RPTOR: variants seen among roughly 807,000 people sequenced by gnomAD.
RPTOR encodes the protein regulatory associated protein of MTOR complex 1, also known as regulatory-associated protein of mTOR.
Under a neutral mutation model 169.9 loss-of-function variants are expected in RPTOR, and 21 were observed. The ratio of observed to expected loss-of-function variants is 0.12; its 90% CI spans 0.09 to 0.18. The LOEUF (loss-of-function observed/expected upper bound fraction) is 0.18, where lower values mean the gene tolerates loss of function less well. RPTOR is among the 10% of genes least tolerant of loss of function. The probability of loss-of-function intolerance (pLI) is 1.00; values close to 1 mark genes in which losing one functional copy is unlikely to be tolerated. For synonymous variants in RPTOR, 732 were observed against 753.2 expected, an observed-to-expected ratio of 0.97 and a Z score of 0.46; for missense variants, 1,133 against 1,855.9, an observed-to-expected ratio of 0.61 and a Z score of 7.16.
At chr17:80,643,625 G>A in intron 2 of RPTOR, 103 bp from the exon 3 acceptor site, 1 of 765,390 alleles carries the variant, frequency 1.3e-6, no homozygotes, top group East Asian at 2.7e-5. Context: ...TTAGTCAAAG[G>A]TGACTTTGAA....
intron 9 of RPTOR, among the ~76,000 whole-genome samples, chr17:80,824,995 AGCGTG>A (rs1344561229): frequency 5.2e-5 from 7 of 134,912 alleles, no homozygotes; most frequent in Admixed American, 2.2e-4. Flanking sequence ...TGGCGAGGCC[AGCGTG>A]GGGCAGCCAC....
In RPTOR at chr17:80,730,754, T is replaced by TTGTTTG; in HGVS notation, c.654+48_654+49insTGTTTG. The stretch of plus-strand genomic sequence containing the variant: ...AGCGGTGCTGGGTTTGGTTTTGTTT[T>TTGTTTG]CCCTGGGGGTGGGGTTTGGGTGGGG... On this transcript the variant is annotated intron_variant, in intron 5 of 33. Transcript: ENST00000306801. The surrounding 1 kb of genome is among the most constrained non-coding windows in gnomAD (Gnocchi z 4.2). The TTGTTTG allele has an allele frequency of 2.8e-6, 2 of 721,648 alleles. No individual in the cohort carries two copies. Among genetic ancestry groups the TTGTTTG allele is most frequent in the East Asian group, 5.1e-5 (1 of 19,432 alleles). The allele number at this position is 721,648 out of a possible 1,614,324, so 44.7% of individuals were successfully genotyped here. A position where few individuals can be genotyped will look rare whatever the true frequency, so the allele number is the denominator to read the frequency against.
chr17:80,832,513 G>C (rs2672871), intron 9 of RPTOR, among the ~76,000 whole-genome samples: 31,681 of 152,222 alleles, frequency 0.21, 3,855 homozygotes, highest in African/African-American at 0.33. Flanking sequence ...CAGCTCCAAT[G>C]CTGTTCCTTA....
intron 3 of RPTOR, among the ~76,000 whole-genome samples, chr17:80,683,455 G>T (rs897729648): frequency 2.0e-5 from 3 of 152,098 alleles, no homozygotes; most frequent in African/African-American, 7.2e-5. Flanking sequence ...ACATTTCTCC[G>T]CTGCGGAGTT....
At chr17:80,634,824 C>T (rs1342610578) in intron 2 of RPTOR, among the ~76,000 whole-genome samples, 1 of 130,534 alleles carries the variant, frequency 7.7e-6, no homozygotes, top group Non-Finnish European at 1.6e-5. Flanking sequence ...TGTGTGCATA[C>T]TGTGTGTGTG....
chr17:80,817,924 G>A (rs1011002598), intron 7 of RPTOR, among the ~76,000 whole-genome samples: 15 of 152,160 alleles, frequency 9.9e-5, no homozygotes, highest in Admixed American at 5.9e-4. Flanking sequence ...TAGCAGGGCC[G>A]GGGTCATCAT....
chr17:80,790,937 C>A (rs2067041389), intron 6 of RPTOR, among the ~76,000 whole-genome samples: 1 of 152,216 alleles, frequency 6.6e-6, no homozygotes, highest in Admixed American at 6.5e-5. Context: ...TCCGGCTCCA[C>A]ACGCGCTCCT....
intron 3 of RPTOR, among the ~76,000 whole-genome samples, chr17:80,703,817 A>G (rs978210878): frequency 5.9e-5 from 9 of 152,324 alleles, no homozygotes; most frequent in African/African-American, 1.9e-4. Flanking sequence ...ACACTTTTTA[A>G]AAAGCACTTT....
chr17:80,708,657 C>T lies in RPTOR; in HGVS notation c.507+658C>T, dbSNP rs2066160507. Among the ~76,000 whole-genome samples the T allele has an allele frequency of 7.3e-6, 1 of 136,418 alleles. No individual in the cohort carries two copies. Among genetic ancestry groups the T allele is most frequent in the East Asian group, 2.0e-4 (1 of 5,122 alleles). The allele number at this position is 136,418 out of a possible 152,430, so 89.5% of individuals were successfully genotyped here. A position where few individuals can be genotyped will look rare whatever the true frequency, so the allele number is the denominator to read the frequency against. On this transcript the variant is annotated intron_variant, in intron 4 of 33. Transcript: ENST00000306801. This position sits in a 1 kb window ranked among gnomAD's most constrained non-coding sequence, Gnocchi z 4.2. ...TCCTCCAGGGTGTGGTGGGTGCTGA[C>T]TGTTGTCCCCACCCTCCAGGGTGTG...
At chr17:80,608,602 T>C (rs1479053110) in intron 1 of RPTOR, among the ~76,000 whole-genome samples, 1 of 152,134 alleles carries the variant, frequency 6.6e-6, no homozygotes, top group African/African-American at 2.4e-5. Context: ...CAGATGGAAG[T>C]GTGTGGGGAC....
intron 1 of RPTOR, among the ~76,000 whole-genome samples, chr17:80,570,166 G>GCTCC (rs2064888580): frequency 6.6e-6 from 1 of 152,154 alleles, no homozygotes. Context: ...CATGCAGAAA[G>GCTCC]CTCCTGTGTC....
intron 3 of RPTOR, among the ~76,000 whole-genome samples, chr17:80,678,864 T>C (rs2065878180): frequency 4.6e-5 from 7 of 152,144 alleles, no homozygotes; most frequent in Admixed American, 4.6e-4. Flanking sequence ...TCTCTGTCTG[T>C]GTGTGTCATC....
At chr17:80,885,741 CTG>C (rs1321042587) in intron 17 of RPTOR, among the ~76,000 whole-genome samples, 1 of 152,156 alleles carries the variant, frequency 6.6e-6, no homozygotes, top group Non-Finnish European at 1.5e-5. Flanking sequence ...TGGGGTTTCA[CTG>C]TGTTAGCCAG....
intron 1 of RPTOR, among the ~76,000 whole-genome samples, chr17:80,571,621 A>G (rs2064907345): frequency 1.3e-5 from 2 of 150,864 alleles, no homozygotes; most frequent in African/African-American, 2.5e-5. Flanking sequence ...CCTGGGCTCA[A>G]TTGATCCTCT....
At chr17:80,600,162 G>A (rs2065174945) in intron 1 of RPTOR, among the ~76,000 whole-genome samples, 1 of 152,186 alleles carries the variant, frequency 6.6e-6, no homozygotes, top group Non-Finnish European at 1.5e-5. Flanking sequence ...GCCTCTAAGA[G>A]TCCAAAGGGC....
At chr17:80,890,779 G>A (rs547320975) in intron 17 of RPTOR, among the ~76,000 whole-genome samples, 174 of 152,244 alleles carry the variant, frequency 1.1e-3, no homozygotes, top group Non-Finnish European at 1.9e-3. Context: ...GAGGAAGCCC[G>A]GGGCATGTAA....
chr17:80,826,339 G>A (rs2067442780), intron 9 of RPTOR, among the ~76,000 whole-genome samples: 2 of 152,218 alleles, frequency 1.3e-5, no homozygotes, highest in African/African-American at 4.8e-5. Flanking sequence ...CCATTTGCAA[G>A]AAACATGTTT....
chr17:80,926,031 A>G (rs1187089943), intron 24 of RPTOR, among the ~76,000 whole-genome samples: 1 of 152,228 alleles, frequency 6.6e-6, no homozygotes, highest in Non-Finnish European at 1.5e-5. Flanking sequence ...CCCAGTGCTC[A>G]TCTCTCTGCC....
intron 24 of RPTOR, among the ~76,000 whole-genome samples, chr17:80,931,171 C>A (rs908046036): frequency 1.3e-5 from 2 of 152,122 alleles, no homozygotes; most frequent in Non-Finnish European, 2.9e-5. Context: ...CGCCTGCAGA[C>A]AGCTGGAAAG....
Sources: allele counts gnomAD v4.1 joint callset (sites outside exome capture counted in the v4.1 genomes callset), GRCh38; gene constraint gnomAD v4.1.1; non-coding constraint Gnocchi (gnomAD v3.1); transcripts MANE v1.5; gene names NCBI Gene and HGNC (gene_info 2026-07-23, HGNC 2026-07-21).